PGBD2: variants seen among roughly 807,000 people sequenced by gnomAD.
PGBD2 encodes piggyBac transposable element-derived protein 2.
In PGBD2, 6 loss-of-function variants were observed where a neutral mutation model predicts 8.1. That is an observed-to-expected ratio of 0.74 (90% CI 0.40 to 1.46). PGBD2 has a LOEUF of 1.46. PGBD2 is among the 40% of genes most tolerant of loss of function. The pLI, the probability that PGBD2 is intolerant of heterozygous loss-of-function variation, is 0.02. For synonymous variants in PGBD2, 318 were observed against 272.2 expected (o/e 1.17, Z -1.66); for missense variants, 802 against 739.0 (o/e 1.09, Z -0.99).
At chr1:248,874,821 T>C in the PGBD2 span, among the ~76,000 whole-genome samples, 1 of 152,184 alleles carries the variant, frequency 6.6e-6, no homozygotes, top group Non-Finnish European at 1.5e-5. Flanking sequence ...CTGGTTTCTC[T>C]TTACCTGCAA....
At chr1:248,922,122 C>T (rs1409293087), downstream of PGBD2, among the ~76,000 whole-genome samples, 1 of 150,718 alleles carries the variant, frequency 6.6e-6, no homozygotes, top group African/African-American at 2.4e-5. Context: ...TGCAGTGGCA[C>T]GATCTCGGCT....
intron 1 of PGBD2, among the ~76,000 whole-genome samples, chr1:248,908,786 C>T (rs1366823815): frequency 6.6e-6 from 1 of 152,034 alleles, no homozygotes; most frequent in Admixed American, 6.6e-5. Flanking sequence ...GTACCCTGTC[C>T]CGCAGATTCC....
At chr1:248,906,886 T>A (rs1442453952) in intron 1 of PGBD2, among the ~76,000 whole-genome samples, 1 of 152,094 alleles carries the variant, frequency 6.6e-6, no homozygotes, top group Non-Finnish European at 1.5e-5. Context: ...TTCTTCCGTA[T>A]CCCACAAAAG....
the PGBD2 span, among the ~76,000 whole-genome samples, chr1:248,890,636 A>G: frequency 4.0e-5 from 6 of 151,634 alleles, no homozygotes; most frequent in Admixed American, 2.6e-4. Context: ...CATACACATT[A>G]TACACACACC....
the PGBD2 span, among the ~76,000 whole-genome samples, chr1:248,892,537 A>G: frequency 1.3e-5 from 2 of 152,040 alleles, no homozygotes; most frequent in South Asian, 4.1e-4. Flanking sequence ...ATAAAAATGA[A>G]GAGAGTTAAG....
downstream of PGBD2, among the ~76,000 whole-genome samples, chr1:248,923,671 C>A (rs1242707849): frequency 2.0e-5 from 3 of 152,232 alleles, no homozygotes; most frequent in Non-Finnish European, 4.4e-5. Context: ...AATTGTCTAT[C>A]TTAGAACTTT....
chr1:248,900,204 T>G, the PGBD2 span, among the ~76,000 whole-genome samples: 2 of 151,922 alleles, frequency 1.3e-5, no homozygotes, highest in Admixed American at 1.3e-4. Flanking sequence ...TTCAAACAAT[T>G]GAAAAGGAGG....
the PGBD2 span, among the ~76,000 whole-genome samples, chr1:248,890,971 A>T: frequency 2.8e-4 from 43 of 151,732 alleles, no homozygotes; most frequent in Non-Finnish European, 5.3e-4. Flanking sequence ...CACACCACAG[A>T]CATCACACAT....
At chr1:248,916,148 T>TC (rs780706340) in intron 2 of PGBD2, among the ~76,000 whole-genome samples, 13 of 152,234 alleles carry the variant, frequency 8.5e-5, no homozygotes, top group Non-Finnish European at 1.6e-4. Flanking sequence ...GTGCCATGGC[T>TC]CACGCCTGTA....
chr1:248,873,439 G>A, the PGBD2 span, among the ~76,000 whole-genome samples: 6 of 152,244 alleles, frequency 3.9e-5, no homozygotes, highest in Non-Finnish European at 7.3e-5. Context: ...CTATAATAAT[G>A]ATGATAATGA....
At chr1:248,901,390 G>T (rs1661529894), upstream of PGBD2, among the ~76,000 whole-genome samples, 1 of 152,106 alleles carries the variant, frequency 6.6e-6, no homozygotes, top group African/African-American at 2.4e-5. Flanking sequence ...GTACAAAAAT[G>T]ACACATAGAT....
intron 2 of PGBD2, among the ~76,000 whole-genome samples, chr1:248,916,219 C>T (rs1026285664): frequency 3.3e-5 from 5 of 152,102 alleles, no homozygotes; most frequent in Non-Finnish European, 5.9e-5. Context: ...CCATACCATC[C>T]TGACTAACAC....
chr1:248,923,300 G>A (rs1488790939), downstream of PGBD2, among the ~76,000 whole-genome samples: 1 of 152,176 alleles, frequency 6.6e-6, no homozygotes, highest in Non-Finnish European at 1.5e-5. Context: ...GATCAGTGGT[G>A]ATATCCCCTA....
the PGBD2 span, among the ~76,000 whole-genome samples, chr1:248,930,004 G>A: frequency 5.3e-5 from 8 of 152,212 alleles, no homozygotes; most frequent in African/African-American, 1.7e-4. Context: ...CCTGGGAGAT[G>A]TGGCTGCAGG....
At chr1:248,897,925 G>A in the PGBD2 span, among the ~76,000 whole-genome samples, 25 of 152,288 alleles carry the variant, frequency 1.6e-4, no homozygotes, top group Admixed American at 4.6e-4. Context: ...GGTTTGGACC[G>A]GGAGGGATTC....
intron 1 of PGBD2, among the ~76,000 whole-genome samples, chr1:248,907,903 C>T (rs1247700725): frequency 6.6e-6 from 1 of 152,118 alleles, no homozygotes; most frequent in Admixed American, 6.5e-5. Context: ...CTTTCTTTTC[C>T]CTACAGTTAG....
the PGBD2 span, among the ~76,000 whole-genome samples, chr1:248,893,749 T>TACCC: frequency 6.6e-6 from 1 of 152,250 alleles, no homozygotes; most frequent in Non-Finnish European, 1.5e-5. Flanking sequence ...TTTGGCTACA[T>TACCC]ACCCACAAGT....
At chr1:248,929,633 A>C in the PGBD2 span, among the ~76,000 whole-genome samples, 1 of 152,202 alleles carries the variant, frequency 6.6e-6, no homozygotes, top group Non-Finnish European at 1.5e-5. Context: ...TGCTGAGCAC[A>C]CACGCCTGCT....
At chr1:248,925,566 A>T in the PGBD2 span, among the ~76,000 whole-genome samples, 1 of 148,404 alleles carries the variant, frequency 6.7e-6, no homozygotes, top group East Asian at 2.0e-4. Context: ...CTCTGCTACC[A>T]TGACTTTTTT....
Sources: allele counts gnomAD v4.1 joint callset (sites outside exome capture counted in the v4.1 genomes callset), GRCh38; gene constraint gnomAD v4.1.1; transcripts MANE v1.5; gene names NCBI Gene and HGNC (gene_info 2026-07-23, HGNC 2026-07-21).